The following HS3ST5 variants were observed in gnomAD, a reference collection of about 807,000 sequenced individuals.
HS3ST5 encodes the protein heparan sulfate-glucosamine 3-sulfotransferase 5.
Under a neutral mutation model 25.4 loss-of-function variants are expected in HS3ST5, and 10 were observed. That is an observed-to-expected ratio of 0.39 (90% CI 0.24 to 0.67). The LOEUF is 0.67. Among genes scored for constraint, HS3ST5 ranks in the 30% least tolerant of loss-of-function variants. The pLI is 0.44. For missense variants in HS3ST5, 324 were observed against 420.7 expected, an observed-to-expected ratio of 0.77 and a Z score of 2.01; for synonymous variants, 170 against 162.4, an observed-to-expected ratio of 1.05 and a Z score of -0.36.
intron 1 of HS3ST5, among the ~76,000 whole-genome samples, chr6:114,281,389 A>C (rs1206502263): frequency 6.6e-6 from 1 of 152,020 alleles, no homozygotes; most frequent in Non-Finnish European, 1.5e-5. Context: ...GGTTGTCCTA[A>C]ATGTAGTGAA....
At chr6:114,127,413 A>T (rs1369532366) in intron 3 of HS3ST5, among the ~76,000 whole-genome samples, 1 of 152,170 alleles carries the variant, frequency 6.6e-6, no homozygotes, top group Non-Finnish European at 1.5e-5. Flanking sequence ...TGCCCTTGTC[A>T]TGGAACATGC....
chr6:114,163,849 G>A (rs899538702), intron 3 of HS3ST5, among the ~76,000 whole-genome samples: 1 of 152,086 alleles, frequency 6.6e-6, no homozygotes, highest in African/African-American at 2.4e-5. Context: ...AAGAGCATGG[G>A]CAGAGGGGTC....
At chr6:114,286,716 G>A (rs1375999681) in intron 1 of HS3ST5, among the ~76,000 whole-genome samples, 1 of 151,778 alleles carries the variant, frequency 6.6e-6, no homozygotes, top group Non-Finnish European at 1.5e-5. Context: ...ATACAATTTT[G>A]CTTTTCTCAT....
rs558810547 is a variant in HS3ST5 at position 114,067,942 on chromosome 6, A to G, written c.-32-5065T>C. 2.6e-5 allele frequency among the ~76,000 whole-genome samples: 4 copies of G among 152,276 alleles called. No individual in the cohort carries two copies. In the South Asian group the frequency reaches 8.3e-4, roughly 32 times the overall value. On this transcript the variant is annotated intron_variant, in intron 3 of 4. Transcript: ENST00000312719. ...CCATAAAATTATGATAATAATGTCT[A>G]TCTCACAGGGTTCTTATGATGTGAG... is the stretch of plus-strand genomic sequence containing the variant.
intron 3 of HS3ST5, among the ~76,000 whole-genome samples, chr6:114,066,798 G>A (rs1040431056): frequency 6.6e-6 from 1 of 152,104 alleles, no homozygotes; most frequent in Non-Finnish European, 1.5e-5. Flanking sequence ...TGCCTCCCTT[G>A]TTCCTTAACA....
In HS3ST5 at chr6:114,272,573, T is replaced by A. The variant is rs531777033; in HGVS notation, c.-338-43795A>T. On this transcript the variant is annotated intron_variant, in intron 1 of 4. Coordinates refer to ENST00000312719, the MANE Select transcript of HS3ST5 (RefSeq NM_153612.4). ...AAGATGGAACACCAAAGTCTTCCAG[T>A]GCTGCTGTTCCATTTTCAACTCCAT... Among the ~76,000 whole-genome samples the A allele has an allele frequency of 1.4e-4, 22 of 152,258 alleles. No homozygotes were observed. In the East Asian group the frequency reaches 4.3e-3, roughly 29 times the overall value.
intron 1 of HS3ST5, among the ~76,000 whole-genome samples, chr6:114,321,826 T>C (rs1775982598): frequency 6.6e-6 from 1 of 152,110 alleles, no homozygotes; most frequent in Admixed American, 6.6e-5. Flanking sequence ...TTTGTCTATA[T>C]CCCGTGATAA....
intron 1 of HS3ST5, among the ~76,000 whole-genome samples, chr6:114,282,635 G>T (rs1774166630): frequency 6.6e-6 from 1 of 151,916 alleles, no homozygotes; most frequent in African/African-American, 2.4e-5. Context: ...TGTATTGAAT[G>T]CTCTGTTTGG....
intron 1 of HS3ST5, among the ~76,000 whole-genome samples, chr6:114,332,222 A>G (rs1776429101): frequency 2.0e-5 from 3 of 152,124 alleles, no homozygotes; most frequent in Admixed American, 6.5e-5. Context: ...AGAGAAAAAT[A>G]GGTAGTAGGG....
intron 3 of HS3ST5, among the ~76,000 whole-genome samples, chr6:114,075,422 T>C (rs1774066007): frequency 6.6e-6 from 1 of 152,188 alleles, no homozygotes; most frequent in Non-Finnish European, 1.5e-5. Context: ...TCAACAAGAC[T>C]CTTTTCTTCA....
At chr6:114,252,832 G>T (rs576856152) in intron 1 of HS3ST5, among the ~76,000 whole-genome samples, 1 of 152,152 alleles carries the variant, frequency 6.6e-6, no homozygotes, top group Non-Finnish European at 1.5e-5. Context: ...CTATGCAAGA[G>T]AATTATAATG....
chr6:114,254,259 C>T (rs1025746427), intron 1 of HS3ST5, among the ~76,000 whole-genome samples: 2 of 152,150 alleles, frequency 1.3e-5, no homozygotes, highest in African/African-American at 4.8e-5. Context: ...CCTGAACCTC[C>T]CAAATGAATG....
At position 114,057,163 on chromosome 6, in the gene HS3ST5, T is replaced by C; in HGVS notation, c.*94A>G. 1 of 855,044 alleles carries C rather than the reference T, an allele frequency of 1.2e-6. No individual in the cohort carries two copies. Among genetic ancestry groups the C allele is most frequent in the Non-Finnish European group, 1.9e-6 (1 of 535,978 alleles). 53.0% of individuals were successfully genotyped at this position (855,044 alleles called of 1,614,324 possible). A position where few individuals can be genotyped will look rare whatever the true frequency, so the allele number is the denominator to read the frequency against. On this transcript the variant is annotated 3_prime_UTR_variant, in exon 5 of 5. Transcript: ENST00000312719. ...TACAAATATACATGGAAAAATGACT[T>C]GGATAGCTCTGCCTAGGAAAAGTGC...
At chr6:114,330,669 T>C (rs958617167) in intron 1 of HS3ST5, among the ~76,000 whole-genome samples, 1 of 152,210 alleles carries the variant, frequency 6.6e-6, no homozygotes, top group Non-Finnish European at 1.5e-5. Flanking sequence ...ACTCCCTTTA[T>C]ACATCAGTCT....
Position 114,223,354 on chromosome 6 carries a change from G to A in HS3ST5, c.-145+5231C>T, listed in dbSNP as rs551656220. 3.2e-4 allele frequency among the ~76,000 whole-genome samples: 49 copies of A among 151,792 alleles called. 1 individual carries two copies. The highest frequency in any genetic ancestry group is 6.2e-4 in the South Asian group (3 of 4,820). ...TTCCATTTCACTAGTGAAGCTAAGC[G>A]GCTTTGCATGATAACTAAGTTGGGT... On this transcript the variant is annotated intron_variant, in intron 2 of 4. Transcript: ENST00000312719.
chr6:114,246,367 T>G (rs564522043), intron 1 of HS3ST5, among the ~76,000 whole-genome samples: 44 of 152,152 alleles, frequency 2.9e-4, no homozygotes, highest in Non-Finnish European at 5.7e-4. Context: ...GTCACAGTGT[T>G]TTTTTGAGGA....
chr6:114,136,533 A>G (rs1010414332), intron 3 of HS3ST5, among the ~76,000 whole-genome samples: 3 of 152,230 alleles, frequency 2.0e-5, no homozygotes, highest in Admixed American at 6.5e-5. Flanking sequence ...TACACCCTGT[A>G]TCTCTCATAG....
intron 1 of HS3ST5, among the ~76,000 whole-genome samples, chr6:114,249,622 C>T (rs777320832): frequency 6.6e-6 from 1 of 152,156 alleles, no homozygotes; most frequent in Non-Finnish European, 1.5e-5. Context: ...TACGACCCCT[C>T]CCCAGGGGTG....
intron 3 of HS3ST5, among the ~76,000 whole-genome samples, chr6:114,140,584 AC>A (rs931169082): frequency 1.3e-5 from 2 of 152,128 alleles, no homozygotes; most frequent in African/African-American, 4.8e-5. Flanking sequence ...AAAGCACTGG[AC>A]CTTGCTGACT....
Sources: allele counts gnomAD v4.1 joint callset (sites outside exome capture counted in the v4.1 genomes callset), GRCh38; gene constraint gnomAD v4.1.1; transcripts MANE v1.5; gene names NCBI Gene and HGNC (gene_info 2026-07-23, HGNC 2026-07-21).